The following DOCK3 variants were observed in gnomAD, a reference collection of about 807,000 sequenced individuals.
DOCK3 encodes dedicator of cytokinesis protein 3.
In DOCK3, 60 loss-of-function variants were observed where a neutral mutation model predicts 265.6. The ratio of observed to expected loss-of-function variants is 0.23; its 90% CI spans 0.18 to 0.28. The LOEUF (loss-of-function observed/expected upper bound fraction) is 0.28. DOCK3 is among the 10% of genes least tolerant of loss of function. DOCK3 has a pLI of 1.00. For synonymous variants in DOCK3, 881 were observed against 938.0 expected (o/e 0.94, Z 1.11); for missense variants, 1,981 against 2,594.3 (o/e 0.76, Z 5.14).
chr3:50,914,846 C>T (rs546002427), intron 4 of DOCK3, among the ~76,000 whole-genome samples: 1 of 152,208 alleles, frequency 6.6e-6, no homozygotes, highest in South Asian at 2.1e-4. Context: ...AATGGGGAGA[C>T]TTAACCAATG....
In DOCK3 at chr3:51,359,093, C is replaced by A. The variant is rs1340140083; in HGVS notation, c.4884+1016C>A. Among the ~76,000 whole-genome samples, 1 of 152,222 alleles carries A rather than the reference C, an allele frequency of 6.6e-6. No homozygotes were observed. Among genetic ancestry groups the A allele is most frequent in the Admixed American group, 6.5e-5 (1 of 15,288 alleles). On this transcript the variant is annotated intron_variant, in intron 46 of 52. Coordinates refer to ENST00000266037, the MANE Select transcript of DOCK3 (RefSeq NM_004947.5). This position sits in a 1 kb window ranked among gnomAD's most constrained non-coding sequence, Gnocchi z 4.8. ...AGAAGTAGAGCTGTTCAATGCTGCACGAGGTTGTCATGAGCAAAAAATTCC... is the reference window on the plus strand; with the variant it reads ...AGAAGTAGAGCTGTTCAATGCTGCAAGAGGTTGTCATGAGCAAAAAATTCC...
intron 27 of DOCK3, among the ~76,000 whole-genome samples, chr3:51,305,796 C>T (rs2082645535): frequency 7.8e-6 from 1 of 128,478 alleles, no homozygotes. Flanking sequence ...ATAGAAAATT[C>T]TCTCTGTTTT....
chr3:50,960,722 ATGTAT>A (rs2076863292), intron 5 of DOCK3, among the ~76,000 whole-genome samples: 1 of 152,082 alleles, frequency 6.6e-6, no homozygotes, highest in Non-Finnish European at 1.5e-5. Flanking sequence ...CATTTTTTAA[ATGTAT>A]TGTGCTTTTG....
Position 51,237,511 on chromosome 3 carries a change from C to G in DOCK3, c.2023C>G (p.Arg675Gly), listed in dbSNP as rs1266769138. The G allele has an allele frequency of 1.2e-6, 2 of 1,613,290 alleles. No individual in the cohort carries two copies. Among genetic ancestry groups the G allele is most frequent in the Non-Finnish European group, 8.5e-7 (1 of 1,179,716 alleles). Residue 675 changes from arginine to glycine, a missense_variant, in exon 21 of 53, where the codon CGA (arginine) becomes GGA (glycine). Around this residue, in one of 4 missense-constraint regions of DOCK3, gnomAD observed 1,357 missense variants for 1,866.8 expected, o/e 0.73. Transcript: ENST00000266037. ...CCAGGTGTTCATCATCAACCTGCTC[C>G]GAGACATCAAGTATTTTCACTTTCG... Reference protein sequence around the residue: ...QSLVFIINLLRDIKYFHFRPV... With the variant: ...QSLVFIINLLGDIKYFHFRPV...
intron 9 of DOCK3, among the ~76,000 whole-genome samples, chr3:51,099,213 G>A (rs2082986128): frequency 6.6e-6 from 1 of 152,202 alleles, no homozygotes; most frequent in Non-Finnish European, 1.5e-5. Context: ...CTCTTACTCG[G>A]AAGCATTAAA....
intron 2 of DOCK3, among the ~76,000 whole-genome samples, chr3:50,814,267 T>G (rs1335049875): frequency 6.6e-6 from 1 of 152,158 alleles, no homozygotes; most frequent in Non-Finnish European, 1.5e-5. Context: ...TTAATATTTG[T>G]AAATTATTAT....
At chr3:51,257,303 G>A (rs1391528360) in intron 22 of DOCK3, among the ~76,000 whole-genome samples, 1 of 152,124 alleles carries the variant, frequency 6.6e-6, no homozygotes, top group Non-Finnish European at 1.5e-5. Context: ...TAGGATGCAT[G>A]CTCCTGGCCT....
intron 12 of DOCK3, among the ~76,000 whole-genome samples, chr3:51,193,213 C>T (rs1054769360): frequency 6.6e-6 from 1 of 152,062 alleles, no homozygotes; most frequent in African/African-American, 2.4e-5. Context: ...TTTGATGTAT[C>T]ATGTTTATTG....
At chr3:51,327,925 G>A (rs1226277373) in intron 32 of DOCK3, among the ~76,000 whole-genome samples, 2 of 151,896 alleles carry the variant, frequency 1.3e-5, no homozygotes, top group Admixed American at 6.6e-5. Flanking sequence ...CAGGTGATCT[G>A]CCCGCCTCAG....
chr3:50,872,040 G>A (rs1017894243), intron 3 of DOCK3, among the ~76,000 whole-genome samples: 10 of 152,158 alleles, frequency 6.6e-5, no homozygotes, highest in African/African-American at 2.2e-4. Context: ...GGTTCCTGGT[G>A]CCTTATTTAG....
In DOCK3 at chr3:51,380,088, G is replaced by A. The variant is rs782062952; in HGVS notation, c.5501-37G>A. 14 of 1,591,988 alleles carry A rather than the reference G, an allele frequency of 8.8e-6. No individual in the cohort carries two copies. The Middle Eastern group carries it at 8.4e-4, about 95-fold the overall frequency. ...GGTGCTGGCATGAAGTCTGTGCAGG[G>A]CCCCCAGCTGAGGCTCTGGTTCTGT... On this transcript the variant is annotated intron_variant, in intron 51 of 52. Coordinates refer to ENST00000266037, the MANE Select transcript of DOCK3 (RefSeq NM_004947.5).
At chr3:50,792,692 C>T (rs1391379750) in intron 2 of DOCK3, among the ~76,000 whole-genome samples, 3 of 152,168 alleles carry the variant, frequency 2.0e-5, no homozygotes, top group African/African-American at 7.2e-5. Flanking sequence ...TTGAGATGAT[C>T]ATGTGGTTTT....
At chr3:50,802,004 A>G (rs991706534) in intron 2 of DOCK3, among the ~76,000 whole-genome samples, 2 of 152,186 alleles carry the variant, frequency 1.3e-5, no homozygotes, top group Non-Finnish European at 2.9e-5. Context: ...CAATATAAGT[A>G]TAGCTATTCA....
intron 22 of DOCK3, 129 bp from the exon 23 acceptor site, chr3:51,260,027 C>A: frequency 1.1e-6 from 1 of 885,166 alleles, no homozygotes; most frequent in South Asian, 2.3e-5. Flanking sequence ...TATCTATCTC[C>A]ATAGTTAGAA....
intron 27 of DOCK3, among the ~76,000 whole-genome samples, chr3:51,297,635 C>T (rs2082161238): frequency 6.6e-6 from 1 of 152,100 alleles, no homozygotes; most frequent in Non-Finnish European, 1.5e-5. Flanking sequence ...GATAGCACTT[C>T]ACACTGAGAG....
intron 36 of DOCK3, 78 bp downstream of exon 36, chr3:51,338,497 C>G: frequency 6.7e-7 from 1 of 1,494,696 alleles, no homozygotes; most frequent in Non-Finnish European, 9.1e-7. Context: ...CTTGGCCCTT[C>G]TACAATACAT....
intron 5 of DOCK3, among the ~76,000 whole-genome samples, chr3:51,014,669 T>C (rs777390428): frequency 6.6e-6 from 1 of 152,140 alleles, no homozygotes; most frequent in African/African-American, 2.4e-5. Flanking sequence ...GTTAGGATTG[T>C]TTTTTCTATT....
chr3:50,815,693 T>C (rs983142824), intron 2 of DOCK3, among the ~76,000 whole-genome samples: 1 of 152,120 alleles, frequency 6.6e-6, no homozygotes, highest in Non-Finnish European at 1.5e-5. Context: ...ATAATTTCAG[T>C]GGGTATAGAA....
In DOCK3 at chr3:51,330,146, C is replaced by G; in HGVS notation, c.3411C>G (p.Ala1137=). Reference sequence around the variant, plus strand: ...TCTCTGCTTCCTTCTAGGTGGAGGCCGAGTTGATTGACAAGCTGGACAGCA... The same window carrying G: ...TCTCTGCTTCCTTCTAGGTGGAGGCGGAGTTGATTGACAAGCTGGACAGCA... ...RKNGNFKQVE[A]ELIDKLDSMV... is the part of the protein sequence containing the mutation. The change falls in exon 33 of 53, where the codon GCC becomes GCG. Residue 1137 remains alanine (A), a synonymous_variant. Transcript: ENST00000266037. 1.2e-6 allele frequency: 2 copies of G among 1,602,656 alleles called. No homozygotes were observed. The highest frequency in any genetic ancestry group is 2.2e-5 in the East Asian group (1 of 44,548).
Sources: allele counts gnomAD v4.1 joint callset (sites outside exome capture counted in the v4.1 genomes callset), GRCh38; gene constraint gnomAD v4.1.1; regional missense constraint gnomAD v4.1.1; non-coding constraint Gnocchi (gnomAD v3.1); transcripts MANE v1.5; gene names NCBI Gene and HGNC (gene_info 2026-07-23, HGNC 2026-07-21).